DGKG: variants seen among roughly 807,000 people sequenced by gnomAD.
The protein encoded by DGKG is DAG kinase gamma.
A neutral mutation model predicts 105.3 loss-of-function variants in DGKG; 78 were observed. The observed-to-expected ratio is 0.74, with a 90% CI of 0.62 to 0.89. The LOEUF (loss-of-function observed/expected upper bound fraction) is 0.89, where lower values mean the gene tolerates loss of function less well. Among genes scored for constraint, DGKG ranks in the 40% least tolerant of loss-of-function variants. DGKG has a pLI of 0.00. For missense variants in DGKG, 958 were observed against 1,020.1 expected (o/e 0.94, Z 0.83); for synonymous variants, 346 against 367.1 (o/e 0.94, Z 0.66).
chr3:186,288,914 T>C lies in DGKG; in HGVS notation c.374-34A>G, dbSNP rs764295182. 23 of 1,514,482 alleles carry C rather than the reference T, an allele frequency of 1.5e-5. No individual in the cohort carries two copies. In the East Asian group the frequency reaches 5.4e-4, roughly 36 times the overall value. 93.8% of individuals were successfully genotyped at this position (1,514,482 alleles called of 1,614,324 possible). ...AACAAAAGGAAAACATCCAAGGACA[T>C]TTTCTGTTTAGTAAATATTAACCCC... On this transcript the variant is annotated intron_variant, in intron 5 of 24. Coordinates refer to ENST00000265022, the MANE Select transcript of DGKG (RefSeq NM_001346.3).
intron 20 of DGKG, among the ~76,000 whole-genome samples, chr3:186,241,937 G>T (rs1246170077): frequency 6.6e-6 from 1 of 152,192 alleles, no homozygotes; most frequent in African/African-American, 2.4e-5. Context: ...AGAGTGCCCA[G>T]GCTGAGGCTG....
intron 21 of DGKG, among the ~76,000 whole-genome samples, chr3:186,190,424 T>A (rs957479019): frequency 3.3e-5 from 5 of 152,216 alleles, no homozygotes; most frequent in South Asian, 2.1e-4. Context: ...GTGGCTGAAA[T>A]TTTATGATAC....
intron 14 of DGKG, 95 bp downstream of exon 14, chr3:186,265,152 T>G: frequency 2.1e-5 from 25 of 1,208,316 alleles, no homozygotes; most frequent in Middle Eastern, 1.9e-4. Context: ...AGGCAAATGC[T>G]GAGATGCTTT....
At chr3:186,207,701 A>G (rs533196129) in intron 21 of DGKG, among the ~76,000 whole-genome samples, 1 of 120,732 alleles carries the variant, frequency 8.3e-6, no homozygotes, top group African/African-American at 2.5e-5. Flanking sequence ...AGGCCTTGTG[A>G]CTCCAAGTCA....
Position 186,148,212 on chromosome 3 carries a change from C to A in DGKG, c.*1878G>T. ...TAATGCTGGCACTTGCTGAATGAAG[C>A]CCACTGAGCTCTGCTGAGACCCCTC... On this transcript the variant is annotated 3_prime_UTR_variant, in exon 25 of 25. Transcript: ENST00000265022. The A allele has an allele frequency of 4.1e-6, 4 of 985,434 alleles. No homozygotes were observed. The highest frequency in any genetic ancestry group is 3.6e-6 in the Non-Finnish European group (3 of 829,966). 61.0% of individuals were successfully genotyped at this position (985,434 alleles called of 1,614,324 possible). A position where few individuals can be genotyped will look rare whatever the true frequency, so the allele number is the denominator to read the frequency against.
At chr3:186,315,312 A>T (rs921018867) in intron 2 of DGKG, among the ~76,000 whole-genome samples, 1 of 152,200 alleles carries the variant, frequency 6.6e-6, no homozygotes, top group South Asian at 2.1e-4. Context: ...TCTTGAAGCC[A>T]TTCAAAATTA....
chr3:186,360,924 T>C (rs1727196295), intron 1 of DGKG, among the ~76,000 whole-genome samples: 1 of 152,152 alleles, frequency 6.6e-6, no homozygotes, highest in South Asian at 2.1e-4. Flanking sequence ...GAGGTCATCG[T>C]ATGCTAATGA....
intron 1 of DGKG, among the ~76,000 whole-genome samples, chr3:186,337,416 C>T (rs1195170522): frequency 6.6e-6 from 1 of 151,324 alleles, no homozygotes; most frequent in Non-Finnish European, 1.5e-5. Context: ...AAAAAACAAA[C>T]AAAAAAACAA....
chr3:186,315,661 TA>T (rs201432882), intron 2 of DGKG, among the ~76,000 whole-genome samples: 2,310 of 140,412 alleles, frequency 0.016, 37 homozygotes, highest in African/African-American at 0.037. Context: ...ACAAATGTAG[TA>T]AAAAAAAAAA....
intron 9 of DGKG, 136 bp from the exon 10 acceptor site, chr3:186,275,800 C>A: frequency 1.3e-5 from 7 of 555,860 alleles, no homozygotes; most frequent in South Asian, 6.5e-5. Context: ...GTTTTAAATA[C>A]AAATAAAAAC....
At chr3:186,337,995 C>G (rs1156404402) in intron 1 of DGKG, among the ~76,000 whole-genome samples, 1 of 151,512 alleles carries the variant, frequency 6.6e-6, no homozygotes, top group Non-Finnish European at 1.5e-5. Flanking sequence ...AGGGCAAAAC[C>G]CTGTCTCTAC....
intron 1 of DGKG, among the ~76,000 whole-genome samples, chr3:186,341,888 A>C (rs933077055): frequency 2.6e-5 from 4 of 152,098 alleles, no homozygotes; most frequent in Admixed American, 1.3e-4. Context: ...AAATTGGAAA[A>C]CATCATTCTC....
chr3:186,289,737 A>G (rs1723231750), intron 5 of DGKG, among the ~76,000 whole-genome samples: 1 of 152,224 alleles, frequency 6.6e-6, no homozygotes, highest in Non-Finnish European at 1.5e-5. Flanking sequence ...TGGACAGTGG[A>G]AAATCCAATG....
At position 186,231,216 on chromosome 3, in the gene DGKG, C is replaced by A. The variant is rs1720134750; in HGVS notation, c.1826+11288G>T. 6.6e-6 allele frequency among the ~76,000 whole-genome samples: 1 copy of A among 152,174 alleles called. No homozygotes were observed. Among genetic ancestry groups the A allele is most frequent in the Non-Finnish European group, 1.5e-5 (1 of 68,034 alleles). On this transcript the variant is annotated intron_variant, in intron 20 of 24. Transcript: ENST00000265022. This position sits in a 1 kb window ranked among gnomAD's most constrained non-coding sequence, Gnocchi z 4.5. ...GATTTTGGATAACTTGTGGTTTTCT[C>A]ATGGGCCCTTTAATCATATCTATGG...
chr3:186,219,709 A>G (rs1719469502), intron 20 of DGKG, among the ~76,000 whole-genome samples: 1 of 152,144 alleles, frequency 6.6e-6, no homozygotes, highest in Non-Finnish European at 1.5e-5. Context: ...AGAAAGATGG[A>G]GAACAGGAAA....
intron 5 of DGKG, among the ~76,000 whole-genome samples, chr3:186,290,302 A>C (rs1723257199): frequency 2.0e-5 from 3 of 152,210 alleles, no homozygotes; most frequent in African/African-American, 7.2e-5. Context: ...GGTTGTAATA[A>C]AATTACATAT....
intron 20 of DGKG, among the ~76,000 whole-genome samples, chr3:186,240,846 C>T (rs183934880): frequency 6.6e-6 from 1 of 151,208 alleles, no homozygotes; most frequent in Non-Finnish European, 1.5e-5. Flanking sequence ...AAAAGAGGAC[C>T]TTAAAAGCCT....
rs374379265 is a variant in DGKG at position 186,260,476 on chromosome 3, G to C, written c.1387C>G (p.Gln463Glu). The change falls in exon 16 of 25, where the codon CAA becomes GAA. Residue 463 changes from glutamine (Q) to glutamate (E), a missense_variant. By Grantham distance (29) the Gln-to-Glu change is conservative. This residue lies in a region of DGKG where 643 missense variants were observed against 619.5 expected (regional missense o/e 1.04). Transcript: ENST00000265022. Reference protein sequence around the residue: ...RKFHYLLNPKQVFNLDNGGPT... With the variant: ...RKFHYLLNPKEVFNLDNGGPT... The stretch of plus-strand genomic sequence containing the variant: ...CCCCCATTGTCCAGGTTGAAAACTT[G>C]TTTGGGGTTGAGCAGATAGTGGAAT... The C allele has an allele frequency of 4.4e-5, 71 of 1,613,552 alleles. No homozygotes were observed. Among genetic ancestry groups the C allele is most frequent in the Non-Finnish European group, 5.8e-5 (68 of 1,179,632 alleles).
intron 21 of DGKG, among the ~76,000 whole-genome samples, chr3:186,202,408 C>T (rs911756536): frequency 1.3e-5 from 2 of 152,162 alleles, no homozygotes; most frequent in Non-Finnish European, 2.9e-5. Context: ...GCCAACAAGA[C>T]ATATTTGTAT....
Sources: gnomAD v4.1 joint callset for allele counts (sites outside exome capture counted in the v4.1 genomes callset) on GRCh38, gnomAD v4.1.1 for gene constraint, gnomAD v4.1.1 regional missense constraint, Gnocchi (gnomAD v3.1) non-coding constraint, MANE v1.5 for transcripts, NCBI Gene and HGNC (gene_info 2026-07-23, HGNC 2026-07-21) for gene names.